TAGAP: variants seen among roughly 807,000 people sequenced by gnomAD.
The protein encoded by TAGAP is T cell activation RhoGTPase activating protein.
TAGAP carries 16 observed loss-of-function variants against 36.0 expected under a neutral mutation model. The ratio of observed to expected loss-of-function variants is 0.44; its 90% CI spans 0.30 to 0.68. The LOEUF (loss-of-function observed/expected upper bound fraction) is 0.68. Ranked by LOEUF, TAGAP falls within the 30% of genes least tolerant of loss-of-function variation. The probability of loss-of-function intolerance (pLI) is 0.09; values close to 1 mark genes in which losing one functional copy is unlikely to be tolerated. For synonymous variants in TAGAP, 372 were observed against 377.4 expected (o/e 0.99, Z 0.17); for missense variants, 794 against 921.5 (o/e 0.86, Z 1.79).
Position 159,039,316 on chromosome 6 carries a change from TAA to T in TAGAP, c.588-9_588-8del, listed in dbSNP as rs777887396. The T allele has an allele frequency of 1.9e-6, 3 of 1,610,826 alleles. No homozygotes were observed. Among genetic ancestry groups the T allele is most frequent in the Admixed American group, 3.3e-5 (2 of 59,998 alleles). Reference sequence around the variant, plus strand: ...GGGGAGCTTATCTGCAACCCTGGAATAAAGTGAAGGGATGTTAGTTTTCAAAA... The same window carrying T: ...GGGGAGCTTATCTGCAACCCTGGAATAGTGAAGGGATGTTAGTTTTCAAAA... On this transcript the variant is annotated splice_polypyrimidine_tract_variant and splice_region_variant and intron_variant, in intron 7 of 9. Transcript: ENST00000367066.
Position 159,038,119 on chromosome 6 carries a change from C to T in TAGAP, c.893G>A (p.Ser298Asn). ...TSDDSLEHTD[S>N]SDVSTLQNDS... ...AATGATAGCACATTCCATACCTGAACTGTCAGTGTGCTCCAGGGAGTCATC... is the reference window on the plus strand; with the variant it reads ...AATGATAGCACATTCCATACCTGAATTGTCAGTGTGCTCCAGGGAGTCATC... The change falls in exon 9 of 10, where the codon AGT becomes AAT. Residue 298 changes from serine (S) to asparagine (N), a missense_variant. Ser to Asn is a conservative substitution (Grantham distance 46). Coordinates refer to ENST00000367066, the MANE Select transcript of TAGAP (RefSeq NM_054114.5). 6.2e-7 allele frequency: 1 copy of T among 1,600,312 alleles called. No individual in the cohort carries two copies. Among genetic ancestry groups the T allele is most frequent in the Non-Finnish European group, 8.6e-7 (1 of 1,167,982 alleles).
intron 8 of TAGAP, among the ~76,000 whole-genome samples, 155 bp from the exon 9 acceptor site, chr6:159,038,383 C>T (rs1583772990): frequency 7.0e-6 from 1 of 142,154 alleles, no homozygotes; most frequent in South Asian, 2.2e-4. Flanking sequence ...AATTTGGTAA[C>T]AATCAGATAC....
At chr6:159,044,857 T>A (rs1254499356) in intron 1 of TAGAP, 22 bp downstream of exon 1, 1 of 398,388 alleles carries the variant, frequency 2.5e-6, no homozygotes, top group Non-Finnish European at 4.4e-6. Flanking sequence ...TTTCTAGGCA[T>A]GTTAATATAT....
chr6:159,038,477 C>T (rs531593255), intron 8 of TAGAP, among the ~76,000 whole-genome samples: 101 of 151,924 alleles, frequency 6.6e-4, no homozygotes, highest in African/African-American at 2.4e-3. Flanking sequence ...CAACCTCTGC[C>T]TCCCGGGCTC....
rs560834483 is a variant in TAGAP, at chr6:159,036,667, C to T, written c.1356G>A (p.Pro452=). The change falls in exon 10 of 10, where the codon CCG becomes CCA. Residue 452 remains proline (P), a synonymous_variant. Transcript: ENST00000367066. This position sits in a 1 kb window ranked among gnomAD's most constrained non-coding sequence, Gnocchi z 4.9. The part of the protein sequence containing the change: ...IKNLAPGSVL[P]RALVLKAFSS... ...AGAAGGCTTTGAGAACCAGTGCCCG[C>T]GGGAGCACCGAACCCGGGGCCAAGT... 6.8e-6 allele frequency: 11 copies of T among 1,613,968 alleles called. No homozygotes were observed. In the African/African-American group the frequency reaches 1.1e-4, roughly 16 times the overall value.
At position 159,039,304 on chromosome 6, in the gene TAGAP, G is replaced by A. The variant is rs1186014686; in HGVS notation, c.593C>T (p.Ala198Val). The change falls in exon 8 of 10, where the codon GCA becomes GTA. Residue 198 changes from alanine (A) to valine (V), a missense_variant. Physicochemically the swap from Ala to Val is moderately conservative, Grantham distance 64. Transcript: ENST00000367066. ...EDRIEALKQVADKLPRPNLLL... is the reference protein window; with the variant it reads ...EDRIEALKQVVDKLPRPNLLL... The stretch of plus-strand genomic sequence containing the variant: ...GAGGTTGGGCCGGGGGAGCTTATCT[G>A]CAACCCTGGAATAAAGTGAAGGGAT... 1 of 1,612,450 alleles carries A rather than the reference G, an allele frequency of 6.2e-7. No individual in the cohort carries two copies. Among genetic ancestry groups the A allele is most frequent in the East Asian group, 2.2e-5 (1 of 44,862 alleles).
In TAGAP at chr6:159,041,233, A is replaced by T; in HGVS notation, c.477+121T>A. Reference sequence around the variant, plus strand: ...AATAAATAAAGGGCTTAATGAAAAAAATTAAACTCCAAGATCAGTGTACCT... The same window carrying T: ...AATAAATAAAGGGCTTAATGAAAAATATTAAACTCCAAGATCAGTGTACCT... On this transcript the variant is annotated intron_variant, in intron 6 of 9. Transcript: ENST00000367066. This position sits in a 1 kb window ranked among gnomAD's most constrained non-coding sequence, Gnocchi z 4.1. 1 of 1,273,188 alleles carries T rather than the reference A, an allele frequency of 7.9e-7. No homozygotes were observed. Among genetic ancestry groups the T allele is most frequent in the Non-Finnish European group, 1.1e-6 (1 of 922,698 alleles). 78.9% of individuals were successfully genotyped at this position (1,273,188 alleles called of 1,614,324 possible).
Position 159,035,206 on chromosome 6 carries a change from G to T in TAGAP, c.*621C>A, listed in dbSNP as rs903727780. ...TTTAATTGGATGATTGAAAGGACAC[G>T]TTGAAGTGTTTTTCATGATTTTTGC... On this transcript the variant is annotated 3_prime_UTR_variant, in exon 10 of 10. Coordinates refer to ENST00000367066, the MANE Select transcript of TAGAP (RefSeq NM_054114.5). The T allele has an allele frequency of 6.6e-6, 1 of 152,300 alleles. No homozygotes were observed. Among genetic ancestry groups the T allele is most frequent in the African/African-American group, 2.4e-5 (1 of 41,444 alleles). The allele number at this position is 152,300 out of a possible 1,614,324, so 9.4% of individuals were successfully genotyped here.
At chr6:159,040,581 G>A (rs757344957) in intron 7 of TAGAP, 142 bp downstream of exon 7, 20 of 610,432 alleles carry the variant, frequency 3.3e-5, no homozygotes, top group Non-Finnish European at 5.1e-5. Flanking sequence ...TGTTCTGGGA[G>A]TGGACGAGCA....
intron 6 of TAGAP, 21 bp from the exon 7 acceptor site, chr6:159,040,853 G>C: frequency 3.8e-6 from 6 of 1,588,534 alleles, no homozygotes; most frequent in Non-Finnish European, 5.2e-6. Flanking sequence ...AGAGTGGGCT[G>C]TTGGCCTATT....
rs186793924 is a variant in TAGAP at position 159,034,749 on chromosome 6, C to A, written c.*1078G>T. ...TCCTGTATTTGTGTACTACATTTTT[C>A]TGGCAGAATGACTCCTTGCTGAAAA... On this transcript the variant is annotated 3_prime_UTR_variant, in exon 10 of 10. Coordinates refer to ENST00000367066, the MANE Select transcript of TAGAP (RefSeq NM_054114.5). The A allele has an allele frequency of 2.6e-5, 4 of 152,202 alleles. No individual in the cohort carries two copies. The highest frequency in any genetic ancestry group is 9.6e-5 in the African/African-American group (4 of 41,532). The allele number at this position is 152,202 out of a possible 1,614,324, so 9.4% of individuals were successfully genotyped here.
rs1779523593 is a variant in TAGAP, at chr6:159,036,115, AG to A, written c.1907del (p.Pro636LeufsTer8). Reference sequence around the variant, plus strand: ...CCTCTACGTGGTGAGCAGGTGGAAGAGGGGGTAGGAGGCAGTGCGCCTCCAG... The same window carrying A: ...CCTCTACGTGGTGAGCAGGTGGAAGAGGGGTAGGAGGCAGTGCGCCTCCAG... ...RMLEAHCLLP[P>X]LPPAHHVEDS... On this transcript the variant is annotated frameshift_variant, in exon 10 of 10. Transcript: ENST00000367066. LOFTEE classifies it low-confidence loss of function (END_TRUNC). This position sits in a 1 kb window ranked among gnomAD's most constrained non-coding sequence, Gnocchi z 4.9. 2 of 1,612,698 alleles carry A rather than the reference AG, an allele frequency of 1.2e-6. No homozygotes were observed. Among genetic ancestry groups the A allele is most frequent in the Non-Finnish European group, 1.7e-6 (2 of 1,179,490 alleles).
At position 159,041,136 on chromosome 6, in the gene TAGAP, G is replaced by T; in HGVS notation, c.477+218C>A. 1 of 665,660 alleles carries T rather than the reference G, an allele frequency of 1.5e-6. No homozygotes were observed. The highest frequency in any genetic ancestry group is 2.5e-6 in the Non-Finnish European group (1 of 402,312). The allele number at this position is 665,660 out of a possible 1,614,324, so 41.2% of individuals were successfully genotyped here. A position where few individuals can be genotyped will look rare whatever the true frequency, so the allele number is the denominator to read the frequency against. On this transcript the variant is annotated intron_variant, in intron 6 of 9. Transcript: ENST00000367066. The surrounding 1 kb of genome is among the most constrained non-coding windows in gnomAD (Gnocchi z 4.1). Reference sequence around the variant, plus strand: ...AATCAAATTGCCCGTACTTGGCAAAGTTTTGGGAGAGCAGAATGCATCACT... The same window carrying T: ...AATCAAATTGCCCGTACTTGGCAAATTTTTGGGAGAGCAGAATGCATCACT...
chr6:159,036,430 C>T lies in TAGAP; in HGVS notation c.1593G>A (p.Ser531=). 5.0e-6 allele frequency: 8 copies of T among 1,614,144 alleles called. No individual in the cohort carries two copies. The highest frequency in any genetic ancestry group is 6.8e-6 in the Non-Finnish European group (8 of 1,180,030). The part of the protein sequence containing the change: ...TKNLSAGSGK[S]QDFTRDHVPR... ...GGACGTGGTCCCTGGTAAAGTCTTGCGATTTCCCAGAGCCCGCGCTGAGGT... is the reference window on the plus strand; with the variant it reads ...GGACGTGGTCCCTGGTAAAGTCTTGTGATTTCCCAGAGCCCGCGCTGAGGT... Residue 531 remains serine (S), a synonymous_variant, in exon 10 of 10, where the codon TCG becomes TCA. Coordinates refer to ENST00000367066, the MANE Select transcript of TAGAP (RefSeq NM_054114.5). This position sits in a 1 kb window ranked among gnomAD's most constrained non-coding sequence, Gnocchi z 4.9.
At position 159,035,618 on chromosome 6, in the gene TAGAP, G is replaced by T; in HGVS notation, c.*209C>A. 1 of 524,484 alleles carries T rather than the reference G, an allele frequency of 1.9e-6. No individual in the cohort carries two copies. The highest frequency in any genetic ancestry group is 2.9e-5 in the East Asian group (1 of 34,104). 32.5% of individuals were successfully genotyped at this position (524,484 alleles called of 1,614,324 possible). A position where few individuals can be genotyped will look rare whatever the true frequency, so the allele number is the denominator to read the frequency against. On this transcript the variant is annotated 3_prime_UTR_variant, in exon 10 of 10. Transcript: ENST00000367066. ...CTAACACCTTATCTATAATACATTTGATACATTTTTACATATTGCACAAAT... is the reference window on the plus strand; with the variant it reads ...CTAACACCTTATCTATAATACATTTTATACATTTTTACATATTGCACAAAT...
Position 159,035,877 on chromosome 6 carries a change from G to A in TAGAP, c.2146C>T (p.Pro716Ser). Residue 716 changes from proline to serine, a missense_variant, in exon 10 of 10, where the codon CCG becomes TCG. Transcript: ENST00000367066. ...RDCLVRRCSQPVFEADQFQYA... is the reference protein window; with the variant it reads ...RDCLVRRCSQSVFEADQFQYA... ...TGGAATTGGTCAGCCTCAAAGACCG[G>A]CTGGCTACATCGTCGCACGAGACAG... 6.2e-7 allele frequency: 1 copy of A among 1,610,576 alleles called. No individual in the cohort carries two copies. The highest frequency in any genetic ancestry group is 8.5e-7 in the Non-Finnish European group (1 of 1,177,062).
Position 159,036,794 on chromosome 6 carries a change from C to A in TAGAP, c.1229G>T (p.Gly410Val). Residue 410 changes from glycine (G) to valine (V), a missense_variant, in exon 10 of 10, where the codon GGC becomes GTC. By Grantham distance (109) the Gly-to-Val change is moderately radical. Transcript: ENST00000367066. The surrounding 1 kb of genome is among the most constrained non-coding windows in gnomAD (Gnocchi z 4.9). ...SEGDFPVPRV[G>V]SRLESEEAED... ...AGCCTCCTCACTTTCCAAACGAGAG[C>A]CTACCCGGGGCACGGGGAAGTCCCC... 6.2e-7 allele frequency: 1 copy of A among 1,614,232 alleles called. No homozygotes were observed. Among genetic ancestry groups the A allele is most frequent in the Non-Finnish European group, 8.5e-7 (1 of 1,180,030 alleles).
chr6:159,044,326 C>T, intron 1 of TAGAP, 122 bp from the exon 2 acceptor site: 1 of 599,314 alleles, frequency 1.7e-6, no homozygotes, highest in East Asian at 3.1e-5. Context: ...GCTATTTTTT[C>T]ACTTGCCTTT....
At position 159,044,049 on chromosome 6, in the gene TAGAP, A is replaced by C; in HGVS notation, c.28-18T>G. The C allele has an allele frequency of 6.2e-7, 1 of 1,613,654 alleles. No individual in the cohort carries two copies. Among genetic ancestry groups the C allele is most frequent in the African/African-American group, 1.3e-5 (1 of 75,022 alleles). ...GTTTTTGACTAAAAGAGAAAAAATA[A>C]AATTAGGTAAATATCTTTTGGCCCT... is the stretch of plus-strand genomic sequence containing the variant. On this transcript the variant is annotated intron_variant, in intron 2 of 9. Transcript: ENST00000367066.
Sources: gnomAD v4.1 joint callset for allele counts (sites outside exome capture counted in the v4.1 genomes callset) on GRCh38, gnomAD v4.1.1 for gene constraint, Gnocchi (gnomAD v3.1) non-coding constraint, MANE v1.5 for transcripts, NCBI Gene and HGNC (gene_info 2026-07-23, HGNC 2026-07-21) for gene names.